The following ESF1 variants were observed in gnomAD, a reference collection of about 807,000 sequenced individuals.
ESF1 encodes the protein ESF1 nucleolar pre-rRNA processing protein, also known as ESF1 homolog.
ESF1 carries 58 observed loss-of-function variants against 92.0 expected under a neutral mutation model. The observed-to-expected ratio is 0.63, with a 90% CI of 0.51 to 0.78. The LOEUF is 0.78. Among genes scored for constraint, ESF1 ranks in the 30% least tolerant of loss-of-function variants. The pLI is 0.00. For synonymous variants in ESF1, 321 were observed against 313.7 expected (o/e 1.02, Z -0.24); for missense variants, 922 against 989.1 (o/e 0.93, Z 0.91).
In ESF1 at chr20:13,783,176, A is replaced by G; in HGVS notation, c.-36T>C. On this transcript the variant is annotated 5_prime_UTR_variant, in exon 2 of 14. Coordinates refer to ENST00000617257, the MANE Select transcript of ESF1 (RefSeq NM_001276380.2). ...TAATCTCGACCAAATGCTTGAAGAA[A>G]ACAAATACTGAAAAATAAAACAAAT... The G allele has an allele frequency of 6.4e-7, 1 of 1,561,772 alleles. No individual in the cohort carries two copies. Among genetic ancestry groups the G allele is most frequent in the Non-Finnish European group, 8.7e-7 (1 of 1,154,066 alleles).
chr20:13,750,456 G>A (rs1175664914), intron 9 of ESF1, among the ~76,000 whole-genome samples: 1 of 152,078 alleles, frequency 6.6e-6, no homozygotes, highest in Non-Finnish European at 1.5e-5. Context: ...AGTGAGCCAA[G>A]ACAGCCCCAC....
At chr20:13,731,001 T>A (rs1019030255) in intron 10 of ESF1, among the ~76,000 whole-genome samples, 1 of 152,178 alleles carries the variant, frequency 6.6e-6, no homozygotes, top group Admixed American at 6.5e-5. Flanking sequence ...AAAGGATCTG[T>A]TGGAGTCAAG....
At chr20:13,739,242 C>G (rs2049995983) in intron 9 of ESF1, among the ~76,000 whole-genome samples, 1 of 152,130 alleles carries the variant, frequency 6.6e-6, no homozygotes. Flanking sequence ...AATTGCTTTA[C>G]ATTTGTCTTG....
At chr20:13,734,181 GC>G (rs1442964722) in intron 9 of ESF1, among the ~76,000 whole-genome samples, 29 of 152,126 alleles carry the variant, frequency 1.9e-4, no homozygotes, top group African/African-American at 6.5e-4. Context: ...GTTTTGAGAT[GC>G]TAAGAAAACT....
At chr20:13,717,914 C>T (rs878933041) in intron 12 of ESF1, among the ~76,000 whole-genome samples, 1 of 148,950 alleles carries the variant, frequency 6.7e-6, no homozygotes, top group Non-Finnish European at 1.5e-5. Flanking sequence ...GCAAATTATA[C>T]TTTCTAAATG....
At chr20:13,744,275 G>C (rs1156262294) in intron 9 of ESF1, among the ~76,000 whole-genome samples, 1 of 152,116 alleles carries the variant, frequency 6.6e-6, no homozygotes, top group African/African-American at 2.4e-5. Flanking sequence ...TCACAAACCA[G>C]GAAGAGACAC....
chr20:13,725,986 C>G (rs1225326788), intron 11 of ESF1, among the ~76,000 whole-genome samples: 1 of 152,158 alleles, frequency 6.6e-6, no homozygotes, highest in Non-Finnish European at 1.5e-5. Context: ...AAACCAAAAA[C>G]AGAAGTTATG....
chr20:13,768,666 G>C (rs377727154), intron 7 of ESF1, among the ~76,000 whole-genome samples: 4 of 151,926 alleles, frequency 2.6e-5, no homozygotes, highest in Non-Finnish European at 5.9e-5. Flanking sequence ...GGAGGCAGAG[G>C]GGGGCGGATC....
intron 11 of ESF1, among the ~76,000 whole-genome samples, chr20:13,725,340 G>A (rs1283083080): frequency 1.3e-5 from 2 of 152,020 alleles, no homozygotes; most frequent in Non-Finnish European, 2.9e-5. Flanking sequence ...ACAATCCCAA[G>A]GGAAAGAAAA....
chr20:13,759,996 A>G, intron 8 of ESF1, 143 bp from the exon 9 acceptor site: 1 of 1,318,748 alleles, frequency 7.6e-7, no homozygotes, highest in Non-Finnish European at 9.9e-7. Flanking sequence ...ATTAAATGAA[A>G]GACTTAGGGT....
At chr20:13,719,896 C>T (rs914842519) in intron 11 of ESF1, among the ~76,000 whole-genome samples, 7 of 152,098 alleles carry the variant, frequency 4.6e-5, no homozygotes, top group Admixed American at 2.0e-4. Context: ...TTTTAAAAAA[C>T]GCTTTCTCCT....
chr20:13,738,479 A>G (rs931603724), intron 9 of ESF1, among the ~76,000 whole-genome samples: 4 of 151,914 alleles, frequency 2.6e-5, no homozygotes, highest in Non-Finnish European at 4.4e-5. Flanking sequence ...TACCCAGCTA[A>G]TTTATTTTAC....
At chr20:13,735,955 G>A (rs2049972734) in intron 9 of ESF1, among the ~76,000 whole-genome samples, 1 of 151,998 alleles carries the variant, frequency 6.6e-6, no homozygotes, top group African/African-American at 2.4e-5. Flanking sequence ...ACACTGTACT[G>A]GAAAAACTTG....
Position 13,716,804 on chromosome 20 carries a change from A to ATTTTTTTTTTTT in ESF1, c.2262+552_2262+563dup, listed in dbSNP as rs71188180. Reference sequence around the variant, plus strand: ...TACAGGTGTGCGCCACTATACCTGGATTTTTTTTTTTTTTTTTTTTTTTTT... The same window carrying ATTTTTTTTTTTT: ...TACAGGTGTGCGCCACTATACCTGGATTTTTTTTTTTTTTTTTTTTTTTTTTTTTTTTTTTTT... On this transcript the variant is annotated intron_variant, in intron 13 of 13. Coordinates refer to ENST00000617257, the MANE Select transcript of ESF1 (RefSeq NM_001276380.2). Among the ~76,000 whole-genome samples, 60 of 45,916 alleles carry ATTTTTTTTTTTT rather than the reference A, an allele frequency of 1.3e-3. 5 individuals carry two copies. Among genetic ancestry groups the ATTTTTTTTTTTT allele is most frequent in the South Asian group, 2.6e-3 (2 of 766 alleles). The allele number at this position is 45,916 out of a possible 152,430, so 30.1% of individuals were successfully genotyped here.
intron 9 of ESF1, among the ~76,000 whole-genome samples, chr20:13,749,232 A>ATTTTTTTTTT (rs71188184): frequency 4.5e-5 from 4 of 89,664 alleles, no homozygotes; most frequent in Non-Finnish European, 8.3e-5. Context: ...TGCCCGGCTA[A>ATTTTTTTTTT]TTTTTTTTTT....
chr20:13,761,387 A>G (rs559095908), intron 8 of ESF1, among the ~76,000 whole-genome samples: 1 of 149,906 alleles, frequency 6.7e-6, no homozygotes, highest in African/African-American at 2.5e-5. Context: ...TTAAAAAAAA[A>G]TAAATAAAAT....
chr20:13,761,147 T>C (rs6033817), intron 8 of ESF1, among the ~76,000 whole-genome samples: 149,955 of 152,068 alleles, frequency 0.99, 73,964 homozygotes, highest in East Asian at 1. Context: ...AAAGGCGGTG[T>C]AAGATGTGCT....
intron 9 of ESF1, among the ~76,000 whole-genome samples, chr20:13,750,986 T>C (rs1978606114): frequency 6.6e-6 from 1 of 151,934 alleles, no homozygotes; most frequent in Non-Finnish European, 1.5e-5. Context: ...GATAAATAAA[T>C]AAATAACACC....
chr20:13,755,376 T>C (rs1485141634), intron 9 of ESF1, among the ~76,000 whole-genome samples: 1 of 152,214 alleles, frequency 6.6e-6, no homozygotes, highest in Non-Finnish European at 1.5e-5. Flanking sequence ...TCAGCTTGCA[T>C]TATCTACAAA....
Sources: allele counts gnomAD v4.1 joint callset (sites outside exome capture counted in the v4.1 genomes callset), GRCh38; gene constraint gnomAD v4.1.1; transcripts MANE v1.5; gene names NCBI Gene and HGNC (gene_info 2026-07-23, HGNC 2026-07-21).